The following CPED1 variants were observed in gnomAD, a reference collection of about 807,000 sequenced individuals.
CPED1 encodes the protein cadherin-like and PC-esterase domain-containing protein 1.
In CPED1, 114 loss-of-function variants were observed where a neutral mutation model predicts 128.2. The observed-to-expected ratio is 0.89, with a 90% CI of 0.76 to 1.04. The LOEUF (loss-of-function observed/expected upper bound fraction) is 1.04. Ranked by LOEUF, CPED1 falls within the 50% of genes least tolerant of loss-of-function variation. CPED1 has a pLI of 0.00. For synonymous variants in CPED1, 462 were observed against 426.7 expected, an observed-to-expected ratio of 1.08 and a Z score of -1.02; for missense variants, 1,211 against 1,207.1, an observed-to-expected ratio of 1.00 and a Z score of -0.05.
intron 14 of CPED1, 28 bp from the exon 15 acceptor site, chr7:121,140,799 T>A: frequency 6.5e-7 from 1 of 1,541,836 alleles, no homozygotes; most frequent in Non-Finnish European, 8.9e-7. Flanking sequence ...CACAGTTGTC[T>A]TTGTCATTGT....
chr7:120,997,879 G>A (rs1171012751), intron 2 of CPED1, among the ~76,000 whole-genome samples: 1 of 150,936 alleles, frequency 6.6e-6, no homozygotes, highest in Non-Finnish European at 1.5e-5. Context: ...CTGAGATTGT[G>A]CCACTGCACT....
intron 5 of CPED1, among the ~76,000 whole-genome samples, chr7:121,074,563 G>GCAGATATCC (rs1414353714): frequency 3.5e-5 from 4 of 114,146 alleles, no homozygotes; most frequent in Non-Finnish European, 6.8e-5. Flanking sequence ...ACCTGTTCAG[G>GCAGATATCC]CAGATATCCT....
intron 16 of CPED1, among the ~76,000 whole-genome samples, chr7:121,197,955 T>C (rs539350920): frequency 6.6e-6 from 1 of 152,278 alleles, no homozygotes; most frequent in East Asian, 1.9e-4. Context: ...TGGCTTTTGT[T>C]TAATGCCAAT....
At chr7:121,065,363 T>G (rs769111360) in intron 5 of CPED1, among the ~76,000 whole-genome samples, 2 of 152,176 alleles carry the variant, frequency 1.3e-5, no homozygotes, top group Non-Finnish European at 1.5e-5. Flanking sequence ...TTTTGTAAAC[T>G]CTAGCTGGAG....
rs35288728 is a variant in CPED1 at position 120,994,625 on chromosome 7, CTG to C, written c.249+4789_249+4790del. 3.2e-3 allele frequency among the ~76,000 whole-genome samples: 463 copies of C among 144,572 alleles called. 6 individuals carry two copies. Among genetic ancestry groups the C allele is most frequent in the East Asian group, 0.013 (61 of 4,876 alleles). The allele number at this position is 144,572 out of a possible 152,430, so 94.8% of individuals were successfully genotyped here. A position where few individuals can be genotyped will look rare whatever the true frequency, so the allele number is the denominator to read the frequency against. On this transcript the variant is annotated intron_variant, in intron 2 of 22. Transcript: ENST00000310396. ...TGGAGAATTCAAAGTATTTGTTATA[CTG>C]TGTGTGTGTGTGTGTGTGTGTGTGT...
intron 16 of CPED1, among the ~76,000 whole-genome samples, chr7:121,194,020 C>A (rs71546703): frequency 0.012 from 944 of 78,736 alleles, 5 homozygotes; most frequent in African/African-American, 0.015. Flanking sequence ...CTCTCTCTCT[C>A]TCTATATATA....
intron 16 of CPED1, among the ~76,000 whole-genome samples, chr7:121,195,571 G>T (rs1220157521): frequency 6.6e-6 from 1 of 152,120 alleles, no homozygotes; most frequent in Admixed American, 6.6e-5. Flanking sequence ...ATGTAGAAAA[G>T]TTTAGATAAG....
At chr7:121,281,456 C>T (rs1792460647) in intron 22 of CPED1, among the ~76,000 whole-genome samples, 1 of 152,088 alleles carries the variant, frequency 6.6e-6, no homozygotes. Flanking sequence ...GAATTGTGAC[C>T]ATTTGTATGC....
chr7:121,236,900 T>C, intron 17 of CPED1, 69 bp downstream of exon 17: 1 of 704,564 alleles, frequency 1.4e-6, no homozygotes, highest in Non-Finnish European at 2.3e-6. Context: ...GTATGCTTAT[T>C]TAAACTATCC....
chr7:121,205,710 T>C (rs1299784949), intron 16 of CPED1, among the ~76,000 whole-genome samples: 1 of 152,004 alleles, frequency 6.6e-6, no homozygotes, highest in Non-Finnish European at 1.5e-5. Flanking sequence ...GATTACAAGG[T>C]TTGAGCTAAC....
intron 11 of CPED1, among the ~76,000 whole-genome samples, chr7:121,129,332 TATAC>T (rs1795605056): frequency 2.7e-4 from 16 of 60,164 alleles, no homozygotes; most frequent in African/African-American, 7.6e-4. Context: ...TATATATATA[TATAC>T]GTATATATAT....
intron 16 of CPED1, among the ~76,000 whole-genome samples, chr7:121,208,858 T>A (rs1797579765): frequency 6.6e-6 from 1 of 152,054 alleles, no homozygotes. Flanking sequence ...GAATCCTGTT[T>A]CAAAAATTGA....
intron 16 of CPED1, among the ~76,000 whole-genome samples, chr7:121,230,734 C>T (rs563844684): frequency 2.5e-4 from 38 of 152,144 alleles, no homozygotes; most frequent in African/African-American, 8.2e-4. Context: ...ACCAGAAAAA[C>T]AGGCTTTCTC....
Position 121,289,290 on chromosome 7 carries a change from T to G in CPED1, c.2869-6150T>G, listed in dbSNP as rs187849799. On this transcript the variant is annotated intron_variant, in intron 22 of 22. Coordinates refer to ENST00000310396, the MANE Select transcript of CPED1 (RefSeq NM_024913.5). ...GTATAACTGGTTTTAAAACATATTA[T>G]TGTTTCATTTTTTCTTCAAATGTGA... Among the ~76,000 whole-genome samples the G allele has an allele frequency of 4.6e-5, 7 of 152,330 alleles. No homozygotes were observed. The East Asian group carries it at 1.3e-3, about 29-fold the overall frequency.
At chr7:120,990,772 C>T (rs902664850) in intron 2 of CPED1, among the ~76,000 whole-genome samples, 4 of 152,166 alleles carry the variant, frequency 2.6e-5, no homozygotes, top group Non-Finnish European at 4.4e-5. Flanking sequence ...AGATTCTGGT[C>T]GATCTTATGA....
chr7:121,280,643 C>T (rs998999054), intron 22 of CPED1, among the ~76,000 whole-genome samples: 19 of 152,288 alleles, frequency 1.2e-4, no homozygotes, highest in African/African-American at 4.3e-4. Context: ...TCAATCAAAA[C>T]ACAGTTTATT....
chr7:121,147,417 A>G (rs1314978327), intron 16 of CPED1, among the ~76,000 whole-genome samples: 1 of 152,164 alleles, frequency 6.6e-6, no homozygotes. Flanking sequence ...ATTTACCCAT[A>G]AACAGTATAA....
chr7:121,114,721 C>A (rs1795193963), intron 7 of CPED1, among the ~76,000 whole-genome samples: 1 of 152,138 alleles, frequency 6.6e-6, no homozygotes, highest in Non-Finnish European at 1.5e-5. Context: ...CACCCATAGT[C>A]AAAGGCCTTG....
intron 16 of CPED1, among the ~76,000 whole-genome samples, chr7:121,155,154 C>T (rs1245145235): frequency 6.6e-6 from 1 of 152,038 alleles, no homozygotes; most frequent in Admixed American, 6.5e-5. Context: ...AGGAATCAAT[C>T]TAACTAAAGA....
Sources: gnomAD v4.1 joint callset for allele counts (sites outside exome capture counted in the v4.1 genomes callset) on GRCh38, gnomAD v4.1.1 for gene constraint, MANE v1.5 for transcripts, NCBI Gene and HGNC (gene_info 2026-07-23, HGNC 2026-07-21) for gene names.